The following SLC25A48 variants were observed in gnomAD, a reference collection of about 807,000 sequenced individuals.
SLC25A48 encodes CTC-321K16.1.
In SLC25A48, 29 loss-of-function variants were observed where a neutral mutation model predicts 32.2. The ratio of observed to expected loss-of-function variants is 0.90; its 90% confidence interval spans 0.67 to 1.23. SLC25A48 has a LOEUF of 1.23. Among genes scored for constraint, SLC25A48 ranks in the 50% most tolerant of loss-of-function variants. The probability of loss-of-function intolerance (pLI) is 0.00; values close to 1 mark genes in which losing one functional copy is unlikely to be tolerated. For missense variants in SLC25A48, 399 were observed against 422.7 expected, an observed-to-expected ratio of 0.94 and a Z score of 0.49; for synonymous variants, 164 against 172.3, an observed-to-expected ratio of 0.95 and a Z score of 0.38.
At chr5:135,750,022 CCTCTTT>C (rs1255923139) in intron 3 of SLC25A48, among the ~76,000 whole-genome samples, 3 of 152,186 alleles carry the variant, frequency 2.0e-5, no homozygotes, top group Non-Finnish European at 2.9e-5. Flanking sequence ...AGCTCCAGCA[CCTCTTT>C]CTCTGTAAGT....
chr5:135,773,405 C>T (rs1334717633), intron 3 of SLC25A48, among the ~76,000 whole-genome samples: 1 of 147,992 alleles, frequency 6.8e-6, no homozygotes, highest in Non-Finnish European at 1.5e-5. Flanking sequence ...TCATAAAATC[C>T]AGGGGGCAGA....
At chr5:135,634,612 T>G (rs1580740722) in intron 2 of SLC25A48, among the ~76,000 whole-genome samples, 1 of 152,334 alleles carries the variant, frequency 6.6e-6, no homozygotes, top group East Asian at 1.9e-4. Context: ...AGCAGTGATT[T>G]GGGGTTCAGT....
At chr5:135,670,460 G>T (rs1753629595) in intron 3 of SLC25A48, among the ~76,000 whole-genome samples, 1 of 152,200 alleles carries the variant, frequency 6.6e-6, no homozygotes, top group Admixed American at 6.5e-5. Context: ...TTGGAGCATG[G>T]GCTTTGCAAC....
chr5:135,817,540 G>C, intron 4 of SLC25A48, among the ~76,000 whole-genome samples: 1 of 152,066 alleles, frequency 6.6e-6, no homozygotes. Context: ...AACTCAAATG[G>C]AATCACAGGC....
At chr5:135,648,897 T>G (rs1753034504) in intron 3 of SLC25A48, 1 of 152,312 alleles carries the variant, frequency 6.6e-6, no homozygotes, top group Non-Finnish European at 1.5e-5. Context: ...CTGGTCATTA[T>G]GCCCCTGGGG....
upstream of SLC25A48, among the ~76,000 whole-genome samples, chr5:135,830,779 G>A (rs994437484): frequency 6.6e-6 from 1 of 152,174 alleles, no homozygotes; most frequent in African/African-American, 2.4e-5. Flanking sequence ...CCCGTGGTCC[G>A]GTTTCATTAA....
At chr5:135,759,138 T>G (rs1348572777) in intron 3 of SLC25A48, among the ~76,000 whole-genome samples, 2 of 152,042 alleles carry the variant, frequency 1.3e-5, no homozygotes, top group African/African-American at 4.8e-5. Flanking sequence ...TAATATCATT[T>G]TGTGTTAACA....
At chr5:135,695,718 C>T (rs138757849) in intron 3 of SLC25A48, among the ~76,000 whole-genome samples, 167 of 152,290 alleles carry the variant, frequency 1.1e-3, no homozygotes, top group East Asian at 4.6e-3. Context: ...GGACCCCAGC[C>T]GGAGGACAGA....
chr5:135,700,126 T>C (rs1280425847), intron 3 of SLC25A48, among the ~76,000 whole-genome samples: 1 of 152,114 alleles, frequency 6.6e-6, no homozygotes, highest in Non-Finnish European at 1.5e-5. Context: ...CTCATGCCTG[T>C]AATCCCAGCA....
At chr5:135,884,808 C>G (rs1762659568) in intron 7 of SLC25A48, among the ~76,000 whole-genome samples, 1 of 152,148 alleles carries the variant, frequency 6.6e-6, no homozygotes, top group Admixed American at 6.5e-5. Context: ...GTCCACAAGG[C>G]CAACTGGGGT....
chr5:135,767,322 G>T (rs1282793881), intron 3 of SLC25A48, among the ~76,000 whole-genome samples: 1 of 151,908 alleles, frequency 6.6e-6, no homozygotes, highest in African/African-American at 2.4e-5. Flanking sequence ...ATCGTGGAAG[G>T]CGTACACTCG....
chr5:135,627,814 C>G (rs2126904338), intron 1 of SLC25A48, among the ~76,000 whole-genome samples: 1 of 152,250 alleles, frequency 6.6e-6, no homozygotes, highest in South Asian at 2.1e-4. Context: ...CCCATGGTCA[C>G]TCCTGTCATG....
intron 3 of SLC25A48, among the ~76,000 whole-genome samples, chr5:135,731,170 G>A (rs964486317): frequency 2.2e-4 from 33 of 152,082 alleles, no homozygotes; most frequent in South Asian, 8.3e-4. Flanking sequence ...CAGTCAAAGG[G>A]GGTTGTTCTC....
rs552246261 is a variant in SLC25A48 at position 135,758,947 on chromosome 5, ATATT to A, written c.-520-53572_-520-53569del. ...GTTAACACATTATGATATTAATAGA[ATATT>A]TATGCTATAAATAATATCAAGCATT... On this transcript the variant is annotated intron_variant, in intron 3 of 10. Coordinates refer to the SLC25A48 transcript ENST00000646290. 1.6e-3 allele frequency among the ~76,000 whole-genome samples: 242 copies of A among 151,490 alleles called. 1 individual carries two copies. The highest frequency in any genetic ancestry group is 5.7e-3 in the African/African-American group (237 of 41,486).
chr5:135,863,813 G>A (rs752824232), intron 4 of SLC25A48, among the ~76,000 whole-genome samples: 4 of 152,178 alleles, frequency 2.6e-5, no homozygotes, highest in Non-Finnish European at 5.9e-5. Flanking sequence ...GAAGTAGGAG[G>A]AAGGAGCATG....
chr5:135,671,646 C>G (rs1283089310), intron 3 of SLC25A48: 2 of 152,146 alleles, frequency 1.3e-5, no homozygotes, highest in Non-Finnish European at 2.9e-5. Flanking sequence ...TCTCACTTTC[C>G]CCGAGGGAGG....
chr5:135,657,270 CA>C (rs542410736), intron 3 of SLC25A48, among the ~76,000 whole-genome samples: 161 of 152,314 alleles, frequency 1.1e-3, no homozygotes, highest in African/African-American at 3.7e-3. Context: ...TCCAAATACA[CA>C]AAGTTTTCTT....
intron 3 of SLC25A48, among the ~76,000 whole-genome samples, chr5:135,774,613 A>T (rs1413867162): frequency 2.0e-5 from 3 of 151,742 alleles, no homozygotes; most frequent in African/African-American, 7.3e-5. Flanking sequence ...TGTTCCTATT[A>T]TCCAGAGGGA....
chr5:135,619,893 G>T (rs1052251421), intron 1 of SLC25A48, among the ~76,000 whole-genome samples: 1 of 152,160 alleles, frequency 6.6e-6, no homozygotes, highest in South Asian at 2.1e-4. Flanking sequence ...GTATCATTTG[G>T]CTGAGTATGC....
Sources: allele counts gnomAD v4.1 joint callset (sites outside exome capture counted in the v4.1 genomes callset), GRCh38; gene constraint gnomAD v4.1.1; transcripts MANE v1.5; gene names NCBI Gene and HGNC (gene_info 2026-07-23, HGNC 2026-07-21).